The following TRIM13 variants were observed in gnomAD, a reference collection of about 807,000 sequenced individuals.
TRIM13 encodes E3 ubiquitin-protein ligase TRIM13.
A neutral mutation model predicts 27.1 loss-of-function variants in TRIM13; 15 were observed. That is an observed-to-expected ratio of 0.55 (90% CI 0.37 to 0.85). The LOEUF (loss-of-function observed/expected upper bound fraction) is 0.85, where lower values mean the gene tolerates loss of function less well. Ranked by LOEUF, TRIM13 falls within the 40% of genes least tolerant of loss-of-function variation. TRIM13 has a pLI of 0.00. For missense variants in TRIM13, 402 were observed against 472.2 expected (o/e 0.85, Z 1.38); for synonymous variants, 193 against 171.5 (o/e 1.13, Z -0.98).
chr13:50,007,107 C>T lies in TRIM13; in HGVS notation c.-6-4828C>T, dbSNP rs369013808. On this transcript the variant is annotated intron_variant, in intron 1 of 1. Transcript: ENST00000378182. ...CTGAGGCAGAGGAACCGCTTGAACC[C>T]GGGAGGCAGAGGTTGCAGTGAGCCG... Among the ~76,000 whole-genome samples, 341 of 150,856 alleles carry T rather than the reference C, an allele frequency of 2.3e-3. 15 individuals carry two copies. The South Asian group carries it at 0.059, about 26-fold the overall frequency.
rs914418476 is a variant in TRIM13, at chr13:50,013,903, A to G, written c.*739A>G. On this transcript the variant is annotated 3_prime_UTR_variant, in exon 2 of 2. Transcript: ENST00000378182. Reference sequence around the variant, plus strand: ...TCTAAAAAAGGGAAGATATTGTAGAAGATTTCACACACACACGCGTGTGTG... The same window carrying G: ...TCTAAAAAAGGGAAGATATTGTAGAGGATTTCACACACACACGCGTGTGTG... The G allele has an allele frequency of 1.8e-5, 3 of 166,760 alleles. No individual in the cohort carries two copies. The highest frequency in any genetic ancestry group is 7.3e-5 in the African/African-American group (3 of 41,294). 10.3% of individuals were successfully genotyped at this position (166,760 alleles called of 1,614,324 possible). A position where few individuals can be genotyped will look rare whatever the true frequency, so the allele number is the denominator to read the frequency against.
intron 1 of TRIM13, among the ~76,000 whole-genome samples, chr13:50,003,181 A>C (rs1332634088): frequency 6.6e-6 from 1 of 152,196 alleles, no homozygotes; most frequent in Non-Finnish European, 1.5e-5. Flanking sequence ...AGCATAATTT[A>C]ATGTCTATGA....
chr13:50,012,884 A>T lies in TRIM13; in HGVS notation c.944A>T (p.Tyr315Phe). 1 of 1,614,070 alleles carries T rather than the reference A, an allele frequency of 6.2e-7. No individual in the cohort carries two copies. Among genetic ancestry groups the T allele is most frequent in the Non-Finnish European group, 8.5e-7 (1 of 1,180,024 alleles). Residue 315 changes from tyrosine (Y) to phenylalanine (F), a missense_variant, in exon 2 of 2, where the codon TAT becomes TTT. By Grantham distance (22) the Tyr-to-Phe change is conservative. This residue lies in a region of TRIM13 where 200 missense variants were observed against 194.7 expected (regional missense o/e 1.03). Transcript: ENST00000378182. ...TFISKIPWSF[Y>F]KLFLLILLLG... ...ATTAGCAAGATTCCCTGGAGCTTTT[A>T]TAAGTTATTTTTGCTAATCCTTCTG...
intron 1 of TRIM13, among the ~76,000 whole-genome samples, chr13:50,003,356 A>G (rs1035883920): frequency 1.3e-5 from 2 of 152,212 alleles, no homozygotes; most frequent in African/African-American, 4.8e-5. Flanking sequence ...CCTAATGGGA[A>G]ATGAAAAAAA....
At chr13:50,002,447 A>G (rs1874159377) in intron 1 of TRIM13, among the ~76,000 whole-genome samples, 2 of 152,166 alleles carry the variant, frequency 1.3e-5, no homozygotes. Context: ...TGAGGCTTAT[A>G]TTTAGCTAAT....
Position 50,012,409 on chromosome 13 carries a change from G to A in TRIM13, c.469G>A (p.Ala157Thr). The A allele has an allele frequency of 1.2e-6, 2 of 1,614,064 alleles. No individual in the cohort carries two copies. Among genetic ancestry groups the A allele is most frequent in the Non-Finnish European group, 1.7e-6 (2 of 1,179,998 alleles). The change falls in exon 2 of 2, where the codon GCT (alanine) becomes ACT (threonine). Residue 157 changes from alanine to threonine, a missense_variant. By Grantham distance (58) the Ala-to-Thr change is moderately conservative. Coordinates refer to ENST00000378182, the MANE Select transcript of TRIM13 (RefSeq NM_213590.3). ...CTTTGAGACCTGGCGTCGGGGAGAT[G>A]CTCTTTCTCGCTTGGATACCTTGGA... ...QSFETWRRGD[A>T]LSRLDTLETS...
At chr13:50,004,937 G>A (rs1874490981) in intron 1 of TRIM13, among the ~76,000 whole-genome samples, 2 of 151,718 alleles carry the variant, frequency 1.3e-5, no homozygotes, top group Admixed American at 6.6e-5. Flanking sequence ...TTAGCCGGGT[G>A]TGGTGGCGGG....
At chr13:49,999,724 G>A (rs1461148782) in intron 1 of TRIM13, among the ~76,000 whole-genome samples, 1 of 152,092 alleles carries the variant, frequency 6.6e-6, no homozygotes, top group East Asian at 1.9e-4. Flanking sequence ...CTTGAACACA[G>A]GTACTCAAAA....
rs1213657335 is a variant in TRIM13, at chr13:50,009,957, A to G, written c.-6-1978A>G. Among the ~76,000 whole-genome samples the G allele has an allele frequency of 3.3e-5, 5 of 151,870 alleles. No individual in the cohort carries two copies. The East Asian group carries it at 9.7e-4, about 29-fold the overall frequency. On this transcript the variant is annotated intron_variant, in intron 1 of 1. Transcript: ENST00000378182. ...TAAGAAAAAAAGAAAAGAAAAGGAA[A>G]TACACAAAAATCTAGGCTTACACAG...
chr13:50,001,511 A>G (rs1338228581), intron 1 of TRIM13, among the ~76,000 whole-genome samples: 1 of 152,108 alleles, frequency 6.6e-6, no homozygotes, highest in Non-Finnish European at 1.5e-5. Flanking sequence ...TACTAGCTCT[A>G]TTTTGCCTTG....
rs1555325057 is a variant in TRIM13, at chr13:50,014,344, A to AAAATATATAT, written c.*1181_*1182insAATATATATA. 4 of 19,714 alleles carry AAAATATATAT rather than the reference A, an allele frequency of 2.0e-4. No individual in the cohort carries two copies. The highest frequency in any genetic ancestry group is 3.3e-4 in the Non-Finnish European group (4 of 12,096). 1.2% of individuals were successfully genotyped at this position (19,714 alleles called of 1,614,324 possible). On this transcript the variant is annotated 3_prime_UTR_variant, in exon 2 of 2. Transcript: ENST00000378182. ...AAAAAAAAAAAAAAAAAAAAAAAAA[A>AAAATATATAT]ATATATATATATATATACACACACA...
Position 50,003,883 on chromosome 13 carries a change from A to C in TRIM13, c.-7+6120A>C, listed in dbSNP as rs1400354491. Among the ~76,000 whole-genome samples the C allele has an allele frequency of 2.0e-5, 3 of 152,232 alleles. No homozygotes were observed. In the East Asian group the frequency reaches 5.8e-4, roughly 29 times the overall value. On this transcript the variant is annotated intron_variant, in intron 1 of 1. Coordinates refer to ENST00000378182, the MANE Select transcript of TRIM13 (RefSeq NM_213590.3). Reference sequence around the variant, plus strand: ...AAAACATCAATATGGCAGGAGAACAAGTTTGACTTTTTTCCGCAACTAGTG... The same window carrying C: ...AAAACATCAATATGGCAGGAGAACACGTTTGACTTTTTTCCGCAACTAGTG...
Position 50,013,275 on chromosome 13 carries a change from C to T in TRIM13, c.*111C>T, listed in dbSNP as rs140355346. On this transcript the variant is annotated 3_prime_UTR_variant, in exon 2 of 2. Coordinates refer to ENST00000378182, the MANE Select transcript of TRIM13 (RefSeq NM_213590.3). ...TCACATATTTTCCTCCAAAAGTATT[C>T]CTTCCAAAAATAATCTATACATGTT... is the stretch of plus-strand genomic sequence containing the variant. The T allele has an allele frequency of 3.3e-3, 3,805 of 1,143,492 alleles. 9 individuals carry two copies. The highest frequency in any genetic ancestry group is 6.4e-3 in the Admixed American group (204 of 31,922). The allele number at this position is 1,143,492 out of a possible 1,614,324, so 70.8% of individuals were successfully genotyped here.
intron 1 of TRIM13, among the ~76,000 whole-genome samples, chr13:50,001,833 C>T (rs781768411): frequency 2.5e-4 from 38 of 151,852 alleles, no homozygotes; most frequent in Non-Finnish European, 5.1e-4. Context: ...CTTACTTTGT[C>T]CTGTTTTGAT....
rs1876300387 is a variant in TRIM13, at chr13:50,015,094, A to ATATATAT, written c.*1930_*1931insTATATAT. ...CAGTAATAAAAAAAAAAAAAAAAAA[A>ATATATAT]ATATATATATATATATATATATATA... On this transcript the variant is annotated 3_prime_UTR_variant, in exon 2 of 2. Transcript: ENST00000378182. 1 of 16,852 alleles carries ATATATAT rather than the reference A, an allele frequency of 5.9e-5. No individual in the cohort carries two copies. The highest frequency in any genetic ancestry group is 1.2e-4 in the Non-Finnish European group (1 of 8,208). 1.0% of individuals were successfully genotyped at this position (16,852 alleles called of 1,614,324 possible). A position where few individuals can be genotyped will look rare whatever the true frequency, so the allele number is the denominator to read the frequency against.
chr13:50,014,376 CATATGT>C lies in TRIM13; in HGVS notation c.*1214_*1219del, dbSNP rs1409057895. The C allele has an allele frequency of 3.3e-5, 4 of 120,166 alleles. No homozygotes were observed. The highest frequency in any genetic ancestry group is 7.3e-5 in the Non-Finnish European group (4 of 54,908). The allele number at this position is 120,166 out of a possible 1,614,324, so 7.4% of individuals were successfully genotyped here. On this transcript the variant is annotated 3_prime_UTR_variant, in exon 2 of 2. Coordinates refer to ENST00000378182, the MANE Select transcript of TRIM13 (RefSeq NM_213590.3). ...ATATATATATACACACACACACACA[CATATGT>C]ACACATACATATATATACATATATA...
rs1874297602 is a variant in TRIM13, at chr13:50,003,410, C to T, written c.-7+5647C>T. ...ATTTTGAACAACTTTATATTGCTAA[C>T]AGCCAGTGGAATTTAAAACCTTAGT... On this transcript the variant is annotated intron_variant, in intron 1 of 1. Transcript: ENST00000378182. Among the ~76,000 whole-genome samples, 3 of 152,016 alleles carry T rather than the reference C, an allele frequency of 2.0e-5. No homozygotes were observed. In the South Asian group the frequency reaches 6.2e-4, roughly 31 times the overall value.
chr13:50,015,668 A>C lies in TRIM13; in HGVS notation c.*2504A>C, dbSNP rs1411185935. On this transcript the variant is annotated 3_prime_UTR_variant, in exon 2 of 2. Coordinates refer to ENST00000378182, the MANE Select transcript of TRIM13 (RefSeq NM_213590.3). ...TGTAGACAGAGATGGTGATTTGTTT[A>C]GTTTCATCTTAGATTTTTTGAGAAC... 1.9e-6 allele frequency: 3 copies of C among 1,614,122 alleles called. No homozygotes were observed. Among genetic ancestry groups the C allele is most frequent in the Non-Finnish European group, 2.5e-6 (3 of 1,179,980 alleles).
chr13:50,016,785 A>G lies in TRIM13; in HGVS notation c.*3621A>G, dbSNP rs1876645638. 1 of 166,874 alleles carries G rather than the reference A, an allele frequency of 6.0e-6. No homozygotes were observed. The highest frequency in any genetic ancestry group is 6.5e-5 in the Admixed American group (1 of 15,274). 10.3% of individuals were successfully genotyped at this position (166,874 alleles called of 1,614,324 possible). A position where few individuals can be genotyped will look rare whatever the true frequency, so the allele number is the denominator to read the frequency against. ...ATGCTGTCCTACCATTATTTTACCA[A>G]CTGTGAAAGCTGGCTTTAATTTTTA... On this transcript the variant is annotated 3_prime_UTR_variant, in exon 2 of 2. Coordinates refer to ENST00000378182, the MANE Select transcript of TRIM13 (RefSeq NM_213590.3).
Sources: gnomAD v4.1 joint callset for allele counts (sites outside exome capture counted in the v4.1 genomes callset) on GRCh38, gnomAD v4.1.1 for gene constraint, gnomAD v4.1.1 regional missense constraint, MANE v1.5 for transcripts, NCBI Gene and HGNC (gene_info 2026-07-23, HGNC 2026-07-21) for gene names.